RBFOX1: variants seen among roughly 807,000 people sequenced by gnomAD.
RBFOX1 encodes the protein RNA binding protein fox-1 homolog 1.
RBFOX1 carries 8 observed loss-of-function variants against 57.7 expected under a neutral mutation model. The ratio of observed to expected loss-of-function variants is 0.14; its 90% CI spans 0.08 to 0.25. RBFOX1 has a LOEUF of 0.25. RBFOX1 is among the 10% of genes least tolerant of loss of function. The pLI is 1.00. For synonymous variants in RBFOX1, 326 were observed against 222.4 expected (o/e 1.47, Z -4.15); for missense variants, 611 against 548.5 (o/e 1.11, Z -1.14).
intron 1 of RBFOX1, among the ~76,000 whole-genome samples, chr16:6,153,866 T>C (rs1268334565): frequency 6.6e-6 from 1 of 152,200 alleles, no homozygotes; most frequent in Non-Finnish European, 1.5e-5. Context: ...CGCATTCTTG[T>C]AGCTTAGCTC....
intron 4 of RBFOX1, among the ~76,000 whole-genome samples, chr16:5,931,661 G>C (rs1242217841): frequency 3.9e-5 from 6 of 152,184 alleles, no homozygotes. Flanking sequence ...GGCTGAAGGA[G>C]ACTCAAGTTT....
chr16:6,390,615 C>T (rs539811182), intron 2 of RBFOX1, among the ~76,000 whole-genome samples: 1 of 151,886 alleles, frequency 6.6e-6, no homozygotes, highest in East Asian at 1.9e-4. Context: ...ATAAAATAAA[C>T]TATGAATTAA....
intron 4 of RBFOX1, among the ~76,000 whole-genome samples, chr16:7,488,700 C>T (rs1022870240): frequency 2.0e-5 from 3 of 152,210 alleles, no homozygotes; most frequent in African/African-American, 7.2e-5. Flanking sequence ...TACATTCTCA[C>T]ATCCCTTATC....
intron 2 of RBFOX1, among the ~76,000 whole-genome samples, chr16:6,476,785 C>A (rs72760952): frequency 2.0e-4 from 30 of 152,316 alleles, no homozygotes; most frequent in Non-Finnish European, 3.8e-4. Flanking sequence ...GCACCTGATG[C>A]TGTTTGACAG....
At chr16:5,714,304 C>G (rs554891879) in intron 3 of RBFOX1, among the ~76,000 whole-genome samples, 3 of 152,306 alleles carry the variant, frequency 2.0e-5, no homozygotes, top group African/African-American at 4.8e-5. Context: ...ATTCTGAGCT[C>G]AGACCTCAAG....
At chr16:6,035,122 C>A (rs1190550813) in intron 1 of RBFOX1, among the ~76,000 whole-genome samples, 1 of 152,150 alleles carries the variant, frequency 6.6e-6, no homozygotes. Flanking sequence ...AGTAGCACCC[C>A]CTTCACCCAT....
intron 3 of RBFOX1, among the ~76,000 whole-genome samples, chr16:6,768,976 C>G (rs2077842111): frequency 6.6e-6 from 1 of 152,106 alleles, no homozygotes; most frequent in African/African-American, 2.4e-5. Context: ...ATCTGCCTGC[C>G]TCGGGCTCCC....
chr16:5,663,627 A>T (rs1347134530), intron 3 of RBFOX1, among the ~76,000 whole-genome samples: 1 of 152,178 alleles, frequency 6.6e-6, no homozygotes, highest in Non-Finnish European at 1.5e-5. Context: ...TATGTACTGA[A>T]TGAAGGTAGC....
At chr16:6,536,932 T>G (rs1461571178) in intron 2 of RBFOX1, among the ~76,000 whole-genome samples, 1 of 152,202 alleles carries the variant, frequency 6.6e-6, no homozygotes, top group Non-Finnish European at 1.5e-5. Context: ...GTATACAAAG[T>G]AATTTTTGTT....
chr16:6,289,050 C>A (rs926516334), intron 1 of RBFOX1, among the ~76,000 whole-genome samples: 13 of 152,164 alleles, frequency 8.5e-5, no homozygotes, highest in Non-Finnish European at 1.3e-4. Context: ...TCATTTTTAC[C>A]AACTATGCCC....
chr16:6,361,941 A>T (rs1227469492), intron 2 of RBFOX1, among the ~76,000 whole-genome samples: 1 of 152,028 alleles, frequency 6.6e-6, no homozygotes, highest in East Asian at 1.9e-4. Context: ...ACTTCTCATG[A>T]AGTCCCTGTG....
chr16:6,871,911 CTGTGTGTG>C (rs57684251), intron 3 of RBFOX1, among the ~76,000 whole-genome samples: 19,517 of 129,548 alleles, frequency 0.15, 1,744 homozygotes, highest in Admixed American at 0.29. Context: ...GGGAGAGAGT[CTGTGTGTG>C]TGTGTGTGTG....
chr16:6,938,619 T>A (rs11864535), intron 3 of RBFOX1, among the ~76,000 whole-genome samples: 1 of 152,054 alleles, frequency 6.6e-6, no homozygotes, highest in African/African-American at 2.4e-5. Flanking sequence ...TTAGTTGGAC[T>A]GTTTATAGGA....
At chr16:7,580,870 A>G (rs2152842996) in intron 6 of RBFOX1, among the ~76,000 whole-genome samples, 1 of 152,330 alleles carries the variant, frequency 6.6e-6, no homozygotes, top group African/African-American at 2.4e-5. Context: ...AAAGAACTAC[A>G]TCCTTAACAT....
At chr16:5,766,371 G>T (rs2053778413) in intron 3 of RBFOX1, among the ~76,000 whole-genome samples, 2 of 152,124 alleles carry the variant, frequency 1.3e-5, no homozygotes, top group Admixed American at 1.3e-4. Flanking sequence ...TGGATTACAA[G>T]GTCAGGAGAT....
chr16:6,550,973 G>A (rs1184040934), intron 2 of RBFOX1, among the ~76,000 whole-genome samples: 3 of 152,128 alleles, frequency 2.0e-5, no homozygotes, highest in Non-Finnish European at 4.4e-5. Flanking sequence ...ATACAAGTGT[G>A]GGCATTAATA....
chr16:5,263,288 G>T (rs1455115304), intron 1 of RBFOX1, among the ~76,000 whole-genome samples: 2 of 152,022 alleles, frequency 1.3e-5, no homozygotes, highest in African/African-American at 4.8e-5. Context: ...AAAAATAATT[G>T]CTGTTTTTGC....
chr16:5,306,401 C>G (rs911961380), intron 1 of RBFOX1, among the ~76,000 whole-genome samples: 2 of 151,412 alleles, frequency 1.3e-5, no homozygotes, highest in Non-Finnish European at 2.9e-5. Context: ...CCCACTGCAA[C>G]CTCCTCCTCC....
chr16:6,068,198 C>G (rs1389990596), intron 1 of RBFOX1, among the ~76,000 whole-genome samples: 1 of 152,154 alleles, frequency 6.6e-6, no homozygotes, highest in Non-Finnish European at 1.5e-5. Flanking sequence ...TGAGATCATA[C>G]ATACCTGGCT....
Sources: allele counts gnomAD v4.1 joint callset (sites outside exome capture counted in the v4.1 genomes callset), GRCh38; gene constraint gnomAD v4.1.1; transcripts MANE v1.5; gene names NCBI Gene and HGNC (gene_info 2026-07-23, HGNC 2026-07-21).